Variants in MAST4 observed in about 807,000 individuals in gnomAD.
The protein encoded by MAST4 is microtubule associated serine/threonine kinase family member 4.
MAST4 carries 89 observed loss-of-function variants against 162.7 expected under a neutral mutation model. The ratio of observed to expected loss-of-function variants is 0.55; its 90% CI spans 0.46 to 0.65. MAST4 has a LOEUF of 0.65. Ranked by LOEUF, MAST4 falls within the 30% of genes least tolerant of loss-of-function variation. The pLI is 0.00. For missense variants in MAST4, 3,153 were observed against 3,374.0 expected (o/e 0.93, Z 1.62); for synonymous variants, 1,479 against 1,361.1 (o/e 1.09, Z -1.91).
chr5:67,028,847 C>T (rs569603942), intron 4 of MAST4, among the ~76,000 whole-genome samples: 11 of 152,032 alleles, frequency 7.2e-5, no homozygotes, highest in East Asian at 3.9e-4. Context: ...AGTCATCCAC[C>T]GCCGGGCATG....
At chr5:66,862,170 T>A (rs900399862) in intron 3 of MAST4, among the ~76,000 whole-genome samples, 11 of 152,228 alleles carry the variant, frequency 7.2e-5, no homozygotes, top group Non-Finnish European at 1.6e-4. Context: ...ATATTACTAG[T>A]TGGCAATAAT....
intron 2 of MAST4, among the ~76,000 whole-genome samples, chr5:66,769,359 A>G (rs893859584): frequency 6.6e-6 from 1 of 152,158 alleles, no homozygotes; most frequent in East Asian, 1.9e-4. Context: ...ACTTGGGTGC[A>G]TGGTGGGGCT....
In MAST4 at chr5:67,164,088, A is replaced by C; in HGVS notation, c.4909A>C (p.Arg1637=). 1 of 1,571,624 alleles carries C rather than the reference A, an allele frequency of 6.4e-7. No homozygotes were observed. The highest frequency in any genetic ancestry group is 8.6e-7 in the Non-Finnish European group (1 of 1,157,942). Residue 1637 remains arginine, a synonymous_variant, in exon 29 of 29, where the codon AGA becomes CGA. Coordinates refer to ENST00000403625, the MANE Select transcript of MAST4 (RefSeq NM_001164664.2). This position sits in a 1 kb window ranked among gnomAD's most constrained non-coding sequence, Gnocchi z 5.3. ...AEHRQGGGDF[R]RAPAPGTLQD... The stretch of plus-strand genomic sequence containing the variant: ...GCACCGCCAGGGTGGCGGGGACTTC[A>C]GACGGGCCCCCGCTCCTGGCACCCT...
chr5:66,677,892 T>C (rs1748058780), intron 1 of MAST4, among the ~76,000 whole-genome samples: 1 of 152,152 alleles, frequency 6.6e-6, no homozygotes, highest in Non-Finnish European at 1.5e-5. Context: ...AATTGCCCGA[T>C]GAACTTGTTG....
intron 4 of MAST4, chr5:66,930,906 G>A (rs903616236): frequency 1.1e-5 from 4 of 377,448 alleles, no homozygotes; most frequent in Admixed American, 5.9e-5. Context: ...GTCCTGTGGA[G>A]GGTATCTACT....
At chr5:66,652,383 G>T (rs1409299546) in intron 1 of MAST4, among the ~76,000 whole-genome samples, 2 of 152,224 alleles carry the variant, frequency 1.3e-5, no homozygotes, top group Non-Finnish European at 2.9e-5. Flanking sequence ...ATTACAAAAA[G>T]AGATGGTACA....
At chr5:66,795,254 A>G (rs1292649656) in intron 3 of MAST4, among the ~76,000 whole-genome samples, 1 of 152,384 alleles carries the variant, frequency 6.6e-6, no homozygotes, top group Non-Finnish European at 1.5e-5. Context: ...GACTCAATTT[A>G]AAGGCTGCAT....
At chr5:66,801,364 A>G (rs908553632) in intron 3 of MAST4, among the ~76,000 whole-genome samples, 8 of 152,124 alleles carry the variant, frequency 5.3e-5, no homozygotes, top group Non-Finnish European at 8.8e-5. Context: ...GGCTGTGACT[A>G]TCAGCCAACC....
At chr5:67,032,878 C>CATTT (rs773233582) in intron 4 of MAST4, among the ~76,000 whole-genome samples, 11 of 151,878 alleles carry the variant, frequency 7.2e-5, no homozygotes, top group Non-Finnish European at 1.6e-4. Context: ...GACCTATTGC[C>CATTT]ATTTATTTCA....
intron 1 of MAST4, among the ~76,000 whole-genome samples, chr5:66,674,596 CT>C (rs1016630942): frequency 6.6e-6 from 1 of 152,158 alleles, no homozygotes. Context: ...AGTTCAGAGT[CT>C]CTCTTTTGGA....
chr5:66,977,538 C>G (rs1748304942), intron 4 of MAST4, among the ~76,000 whole-genome samples: 1 of 152,110 alleles, frequency 6.6e-6, no homozygotes, highest in Non-Finnish European at 1.5e-5. Flanking sequence ...GAAAAGAAAA[C>G]AAACCTCCTG....
At chr5:67,015,092 T>C (rs953855018) in intron 4 of MAST4, among the ~76,000 whole-genome samples, 5 of 152,254 alleles carry the variant, frequency 3.3e-5, no homozygotes, top group African/African-American at 4.8e-5. Context: ...CTCTTGGCAC[T>C]GATAAACATA....
intron 2 of MAST4, among the ~76,000 whole-genome samples, chr5:66,777,472 T>C (rs921645368): frequency 8.5e-5 from 13 of 152,228 alleles, no homozygotes; most frequent in African/African-American, 3.1e-4. Flanking sequence ...GTTAAGCCTG[T>C]CCAAGGTCAC....
chr5:66,750,755 ACAAAG>A (rs373347910), intron 1 of MAST4, among the ~76,000 whole-genome samples: 4,049 of 152,328 alleles, frequency 0.027, 124 homozygotes, highest in South Asian at 0.12. Flanking sequence ...GCTTAGGTAA[ACAAAG>A]CAGAGGGGAA....
chr5:67,097,837 A>ACT (rs1403275602), intron 7 of MAST4, among the ~76,000 whole-genome samples: 5 of 152,104 alleles, frequency 3.3e-5, no homozygotes. Flanking sequence ...GTGAAAGTTC[A>ACT]ATTATTTTTT....
intron 1 of MAST4, among the ~76,000 whole-genome samples, chr5:66,757,521 C>T (rs1011477825): frequency 4.6e-5 from 7 of 152,076 alleles, no homozygotes; most frequent in Middle Eastern, 3.2e-3. Context: ...GGTATTTATA[C>T]GTTACCTTGC....
intron 4 of MAST4, among the ~76,000 whole-genome samples, chr5:66,984,046 GGTGACA>G (rs1478644088): frequency 6.6e-5 from 10 of 152,148 alleles, no homozygotes; most frequent in Non-Finnish European, 1.5e-4. Flanking sequence ...TTAGGGATAC[GGTGACA>G]GACAGGATAG....
At chr5:67,126,868 T>C (rs1561688387) in intron 14 of MAST4, among the ~76,000 whole-genome samples, 1 of 152,184 alleles carries the variant, frequency 6.6e-6, no homozygotes, top group Non-Finnish European at 1.5e-5. Flanking sequence ...GATTTTTCTA[T>C]CCATGAGCAT....
At chr5:66,656,580 G>A (rs115618159) in intron 1 of MAST4, among the ~76,000 whole-genome samples, 22 of 152,174 alleles carry the variant, frequency 1.4e-4, no homozygotes, top group African/African-American at 5.3e-4. Context: ...AGACTGTGGG[G>A]GTGGGACTCT....
Sources: allele counts gnomAD v4.1 joint callset (sites outside exome capture counted in the v4.1 genomes callset), GRCh38; gene constraint gnomAD v4.1.1; non-coding constraint Gnocchi (gnomAD v3.1); transcripts MANE v1.5; gene names NCBI Gene and HGNC (gene_info 2026-07-23, HGNC 2026-07-21).